The following MAPT variants were observed in gnomAD, a reference collection of about 807,000 sequenced individuals.
MAPT encodes the protein microtubule-associated protein tau.
MAPT carries 34 observed loss-of-function variants against 67.9 expected under a neutral mutation model. The observed-to-expected ratio is 0.50, with a 90% CI of 0.38 to 0.67. The LOEUF (loss-of-function observed/expected upper bound fraction) is 0.67. Ranked by LOEUF, MAPT falls within the 30% of genes least tolerant of loss-of-function variation. The pLI is 0.00. For missense variants in MAPT, 881 were observed against 1,115.2 expected (o/e 0.79, Z 2.99); for synonymous variants, 456 against 464.5 (o/e 0.98, Z 0.23).
chr17:45,985,166 G>T (rs895665233), intron 5 of MAPT, among the ~76,000 whole-genome samples: 1 of 152,056 alleles, frequency 6.6e-6, no homozygotes, highest in East Asian at 1.9e-4. Context: ...TTAGCTGGGC[G>T]TGGTGGCGGG....
chr17:45,991,967 G>A (rs2074092744), intron 8 of MAPT, among the ~76,000 whole-genome samples: 1 of 151,786 alleles, frequency 6.6e-6, no homozygotes, highest in African/African-American at 2.4e-5. Flanking sequence ...TGTATTTTTA[G>A]TAGAGACAGG....
intron 1 of MAPT, among the ~76,000 whole-genome samples, chr17:45,920,206 G>A (rs1191584765): frequency 2.6e-5 from 4 of 152,178 alleles, no homozygotes; most frequent in Non-Finnish European, 5.9e-5. Context: ...TTGTTTGGGG[G>A]GATGGATTTG....
intron 9 of MAPT, among the ~76,000 whole-genome samples, chr17:46,006,012 C>A (rs557556312): frequency 2.6e-5 from 4 of 152,034 alleles, no homozygotes; most frequent in Non-Finnish European, 5.9e-5. Context: ...GGACGGTGGG[C>A]AAGAAAGGTG....
chr17:45,988,466 G>A (rs1346312350), intron 6 of MAPT, among the ~76,000 whole-genome samples: 1 of 152,140 alleles, frequency 6.6e-6, no homozygotes, highest in Non-Finnish European at 1.5e-5. Flanking sequence ...CGAACTGTGG[G>A]TGTCAGTCAC....
chr17:45,965,098 C>T (rs1356424724), intron 2 of MAPT, among the ~76,000 whole-genome samples: 2 of 152,160 alleles, frequency 1.3e-5, no homozygotes, highest in Admixed American at 1.3e-4. Flanking sequence ...TGTGGGTGTC[C>T]CAGCCTATCC....
chr17:45,954,020 G>A (rs761683128), intron 1 of MAPT, among the ~76,000 whole-genome samples: 4 of 151,660 alleles, frequency 2.6e-5, no homozygotes, highest in African/African-American at 4.8e-5. Flanking sequence ...CTTTTTTTTC[G>A]ATCGAAGAAA....
rs559641701 is a variant in MAPT at position 45,916,307 on chromosome 17, G to A, written c.-18+21621G>A. 1.2e-4 allele frequency among the ~76,000 whole-genome samples: 18 copies of A among 152,324 alleles called. No individual in the cohort carries two copies. The South Asian group carries it at 3.3e-3, about 28-fold the overall frequency. ...CTGTTGCGTGTGCTCTGCAGAGGGC[G>A]GGTGGCCCAGCGTGGCTGACTGCAG... is the stretch of plus-strand genomic sequence containing the variant. On this transcript the variant is annotated intron_variant, in intron 1 of 12. Coordinates refer to ENST00000262410, the MANE Select transcript of MAPT (RefSeq NM_001377265.1).
intron 1 of MAPT, among the ~76,000 whole-genome samples, chr17:45,935,784 T>G (rs184330749): frequency 6.6e-6 from 1 of 152,300 alleles, no homozygotes; most frequent in East Asian, 1.9e-4. Flanking sequence ...TTTCATCCCT[T>G]CAAGCCTGCC....
chr17:45,989,508 G>A (rs111240522), intron 6 of MAPT, among the ~76,000 whole-genome samples: 22,013 of 152,074 alleles, frequency 0.14, 2,120 homozygotes, highest in Non-Finnish European at 0.22. Context: ...AAAACGAGCC[G>A]GGCGTGGTGG....
intron 3 of MAPT, chr17:45,978,111 T>C (rs1206729400): frequency 3.9e-6 from 2 of 511,788 alleles, no homozygotes; most frequent in Non-Finnish European, 7.1e-6. Context: ...AGGACCCTGG[T>C]CCCAAAGTGG....
chr17:46,021,237 G>A (rs1422279432), intron 12 of MAPT, among the ~76,000 whole-genome samples: 2 of 152,220 alleles, frequency 1.3e-5, no homozygotes, highest in African/African-American at 4.8e-5. Flanking sequence ...GAGAGCTCTC[G>A]GGTTGCGCGA....
At chr17:46,006,297 T>A (rs1355234483) in intron 9 of MAPT, among the ~76,000 whole-genome samples, 1 of 152,154 alleles carries the variant, frequency 6.6e-6, no homozygotes, top group Non-Finnish European at 1.5e-5. Flanking sequence ...ACAACATGGA[T>A]GGAACTGGAG....
intron 1 of MAPT, chr17:45,898,317 T>G (rs945413324): frequency 6.6e-6 from 1 of 152,220 alleles, no homozygotes; most frequent in Non-Finnish European, 1.5e-5. Flanking sequence ...GTTTCTAATA[T>G]CAGGCATTGC....
chr17:45,902,319 C>G (rs950590116), intron 1 of MAPT, among the ~76,000 whole-genome samples: 4 of 152,170 alleles, frequency 2.6e-5, no homozygotes, highest in African/African-American at 9.7e-5. Flanking sequence ...ATCCACCCAC[C>G]TCGGCCTCCC....
intron 9 of MAPT, among the ~76,000 whole-genome samples, chr17:46,008,596 ACATAGTCTTT>A (rs1323088999): frequency 6.6e-6 from 1 of 152,232 alleles, no homozygotes; most frequent in Non-Finnish European, 1.5e-5. Flanking sequence ...TAATAAAAAT[ACATAGTCTTT>A]TGAAGGAACA....
intron 1 of MAPT, among the ~76,000 whole-genome samples, chr17:45,957,723 A>G (rs1183322131): frequency 1.3e-5 from 2 of 152,240 alleles, no homozygotes; most frequent in Admixed American, 1.3e-4. Context: ...AGATTCAGAA[A>G]CCAGAAAAAA....
At chr17:45,993,171 C>T (rs2074210929) in intron 8 of MAPT, among the ~76,000 whole-genome samples, 1 of 152,234 alleles carries the variant, frequency 6.6e-6, no homozygotes, top group South Asian at 2.1e-4. Context: ...CTGCCCACCA[C>T]CTGCTGCGTG....
chr17:45,924,898 A>G (rs1252311503), intron 1 of MAPT, among the ~76,000 whole-genome samples: 1 of 152,108 alleles, frequency 6.6e-6, no homozygotes, highest in African/African-American at 2.4e-5. Context: ...TCCCTCCTGT[A>G]TCTTCCAAGC....
rs1017334730 is a variant in MAPT, at chr17:45,915,552, TGTG to T, written c.-18+20867_-18+20869del. 2.0e-4 allele frequency among the ~76,000 whole-genome samples: 25 copies of T among 126,574 alleles called. No individual in the cohort carries two copies. Among genetic ancestry groups the T allele is most frequent in the African/African-American group, 5.4e-4 (21 of 39,040 alleles). The allele number at this position is 126,574 out of a possible 152,430, so 83.0% of individuals were successfully genotyped here. A position where few individuals can be genotyped will look rare whatever the true frequency, so the allele number is the denominator to read the frequency against. On this transcript the variant is annotated intron_variant, in intron 1 of 12. Transcript: ENST00000262410. The surrounding 1 kb of genome is among the most constrained non-coding windows in gnomAD (Gnocchi z 4.4). The stretch of plus-strand genomic sequence containing the variant: ...GTGTGGTGTGTGTGAGCATGTGTGT[TGTG>T]TGTGTGGTGCATGTGTGTGGCGTGT...
Sources: allele counts gnomAD v4.1 joint callset (sites outside exome capture counted in the v4.1 genomes callset), GRCh38; gene constraint gnomAD v4.1.1; non-coding constraint Gnocchi (gnomAD v3.1); transcripts MANE v1.5; gene names NCBI Gene and HGNC (gene_info 2026-07-23, HGNC 2026-07-21).